KLF13: variants seen among roughly 807,000 people sequenced by gnomAD.
KLF13 encodes the protein Krueppel-like factor 13.
Under a neutral mutation model 16.7 loss-of-function variants are expected in KLF13, and 8 were observed. The observed-to-expected ratio is 0.48, with a 90% CI of 0.28 to 0.87. KLF13 has a LOEUF of 0.87. KLF13 is among the 40% of genes least tolerant of loss of function. KLF13 has a pLI of 0.10. For synonymous variants in KLF13, 245 were observed against 208.4 expected (o/e 1.18, Z -1.51); for missense variants, 447 against 452.2 (o/e 0.99, Z 0.10).
chr15:31,344,890 AG>A (rs995956592), intron 1 of KLF13, among the ~76,000 whole-genome samples: 6 of 151,986 alleles, frequency 3.9e-5, no homozygotes, highest in Non-Finnish European at 5.9e-5. Flanking sequence ...GTGGGGAGGG[AG>A]GGGCCGCAAG....
At chr15:31,383,725 C>A (rs1015725902) in intron 1 of KLF13, among the ~76,000 whole-genome samples, 4 of 151,966 alleles carry the variant, frequency 2.6e-5, no homozygotes, top group Admixed American at 2.6e-4. Flanking sequence ...ACGGTGAAAC[C>A]CCGTTTCTAC....
chr15:31,356,906 T>C (rs1337883633), intron 1 of KLF13, among the ~76,000 whole-genome samples: 1 of 152,142 alleles, frequency 6.6e-6, no homozygotes. Context: ...GCCCGTCGGG[T>C]GGCATCTGGA....
downstream of KLF13, among the ~76,000 whole-genome samples, chr15:31,379,089 A>G (rs2039692072): frequency 6.6e-6 from 1 of 152,190 alleles, no homozygotes; most frequent in African/African-American, 2.4e-5. Context: ...AAATACAGGC[A>G]TCGCAGTTGA....
At chr15:31,384,475 T>C (rs1250520015) in intron 1 of KLF13, among the ~76,000 whole-genome samples, 3 of 152,218 alleles carry the variant, frequency 2.0e-5, no homozygotes, top group African/African-American at 7.2e-5. Context: ...CAAGCAATTG[T>C]TACCTTTAGG....
intron 2 of KLF13, among the ~76,000 whole-genome samples, chr15:31,400,446 A>G (rs2040018106): frequency 6.6e-6 from 1 of 151,860 alleles, no homozygotes; most frequent in South Asian, 2.1e-4. Flanking sequence ...ATTTAAATAA[A>G]GGCCTTAAAA....
chr15:31,344,385 A>T (rs977283685), intron 1 of KLF13, among the ~76,000 whole-genome samples: 1 of 152,164 alleles, frequency 6.6e-6, no homozygotes, highest in Admixed American at 6.5e-5. Context: ...GGACGTTTTC[A>T]TGTGTCTGGC....
rs144776699 is a variant in KLF13 at position 31,362,896 on chromosome 15, G to A, written c.578-9114G>A. Among the ~76,000 whole-genome samples, 1,478 of 152,248 alleles carry A rather than the reference G, an allele frequency of 9.7e-3. 15 individuals are homozygous for A. The highest frequency in any genetic ancestry group is 0.013 in the Non-Finnish European group (868 of 68,024). On this transcript the variant is annotated intron_variant, in intron 1 of 1. Transcript: ENST00000307145. ...TAAAGAACTCATTCTACTTCTTTGC[G>A]ATAGTGTTCTGTTATATGTGCGTTC...
At chr15:31,388,689 G>C (rs2039823268), upstream of KLF13, among the ~76,000 whole-genome samples, 1 of 146,752 alleles carries the variant, frequency 6.8e-6, no homozygotes, top group Non-Finnish European at 1.5e-5. Context: ...AAGGACTTTG[G>C]AAGTAATTTG....
chr15:31,423,117 ATATACGTATATAT>A (rs1381625454), intron 1 of KLF13, among the ~76,000 whole-genome samples: 1 of 126,932 alleles, frequency 7.9e-6, no homozygotes, highest in Non-Finnish European at 1.6e-5. Flanking sequence ...GTATACGTAT[ATATACGTATATAT>A]ACGTATACGT....
chr15:31,371,961 G>A (rs1023385013), intron 1 of KLF13, 49 bp from the exon 2 acceptor site: 2 of 1,534,354 alleles, frequency 1.3e-6, no homozygotes, highest in Non-Finnish European at 1.8e-6. Flanking sequence ...GAGAGGGTGT[G>A]AAGGCGGGGC....
intron 1 of KLF13, among the ~76,000 whole-genome samples, chr15:31,429,004 G>T (rs559878914): frequency 6.6e-6 from 1 of 152,138 alleles, no homozygotes; most frequent in Admixed American, 6.5e-5. Context: ...TAATTTGCAG[G>T]ACTCATACAA....
intron 1 of KLF13, among the ~76,000 whole-genome samples, chr15:31,344,425 G>GTGCCAGGCACCAA (rs200214832): frequency 2.3e-4 from 7 of 30,660 alleles, no homozygotes; most frequent in Non-Finnish European, 3.1e-4. Flanking sequence ...GGTGGCAGGG[G>GTGCCAGGCACCAA]TGCCAGGAAT....
intron 1 of KLF13, chr15:31,420,400 C>A: frequency 8.8e-7 from 1 of 1,136,052 alleles, no homozygotes; most frequent in Non-Finnish European, 1.3e-6. Flanking sequence ...GCTACCCTTA[C>A]AATGAGCCCA....
downstream of KLF13, among the ~76,000 whole-genome samples, chr15:31,380,680 T>G (rs1016701824): frequency 6.6e-6 from 1 of 152,218 alleles, no homozygotes; most frequent in African/African-American, 2.4e-5. Flanking sequence ...TAGGCCATGC[T>G]AAAATTCCTG....
intron 1 of KLF13, among the ~76,000 whole-genome samples, chr15:31,427,831 A>AG (rs2040417899): frequency 6.6e-6 from 1 of 152,104 alleles, no homozygotes; most frequent in South Asian, 2.1e-4. Flanking sequence ...CAAGAGAGAG[A>AG]GGGGAAGTGC....
chr15:31,329,621 C>G (rs986365584), intron 1 of KLF13, among the ~76,000 whole-genome samples: 4 of 152,094 alleles, frequency 2.6e-5, no homozygotes, highest in Non-Finnish European at 5.9e-5. Flanking sequence ...AGAATATTGG[C>G]GCAGGGGCTC....
At chr15:31,339,941 C>A in intron 1 of KLF13, 1 of 702,358 alleles carries the variant, frequency 1.4e-6, no homozygotes, top group Non-Finnish European at 2.6e-6. Context: ...GCTCTGCCCA[C>A]CCATGGATTA....
exon 3 of KLF13, chr15:31,404,677 C>G (rs748355345): frequency 2.6e-5 from 4 of 152,264 alleles, no homozygotes; most frequent in Admixed American, 6.5e-5. Context: ...GTCCCCATCC[C>G]TGTTGTGGTG....
downstream of KLF13, among the ~76,000 whole-genome samples, chr15:31,407,685 A>C (rs2040145287): frequency 6.6e-6 from 1 of 152,232 alleles, no homozygotes; most frequent in African/African-American, 2.4e-5. Flanking sequence ...TACAGAACTA[A>C]ATCAATATTG....
Sources: gnomAD v4.1 joint callset for allele counts (sites outside exome capture counted in the v4.1 genomes callset) on GRCh38, gnomAD v4.1.1 for gene constraint, MANE v1.5 for transcripts, NCBI Gene and HGNC (gene_info 2026-07-23, HGNC 2026-07-21) for gene names.